SORBS2: variants seen among roughly 807,000 people sequenced by gnomAD.
The protein encoded by SORBS2 is sorbin and SH3 domain-containing protein 2.
SORBS2 carries 46 observed loss-of-function variants against 97.7 expected under a neutral mutation model. That is an observed-to-expected ratio of 0.47 (90% CI 0.37 to 0.60). The LOEUF (loss-of-function observed/expected upper bound fraction) is 0.60, where lower values mean the gene tolerates loss of function less well. SORBS2 is among the 20% of genes least tolerant of loss of function. The pLI is 0.00. For missense variants in SORBS2, 1,316 were observed against 1,282.3 expected, an observed-to-expected ratio of 1.03 and a Z score of -0.40; for synonymous variants, 476 against 473.4, an observed-to-expected ratio of 1.01 and a Z score of -0.07.
At chr4:185,718,152 G>A (rs1001812795) in intron 2 of SORBS2, among the ~76,000 whole-genome samples, 8 of 152,140 alleles carry the variant, frequency 5.3e-5, no homozygotes, top group Admixed American at 2.6e-4. Context: ...AATCGCTTGA[G>A]CCTGGGAGAC....
chr4:185,915,343 A>G (rs762508379), intron 1 of SORBS2, among the ~76,000 whole-genome samples: 2 of 152,238 alleles, frequency 1.3e-5, no homozygotes, highest in Non-Finnish European at 2.9e-5. Context: ...TAATGCCTTG[A>G]AAAGCATTTT....
At chr4:185,611,698 A>G (rs2096541607) in intron 12 of SORBS2, 82 bp downstream of exon 24, 4 of 1,085,182 alleles carry the variant, frequency 3.7e-6, no homozygotes, top group Admixed American at 1.9e-5. Flanking sequence ...ATGATATTCT[A>G]ATCTAATATC....
chr4:185,635,941 C>A (rs2096990820), intron 4 of SORBS2, among the ~76,000 whole-genome samples: 1 of 152,220 alleles, frequency 6.6e-6, no homozygotes, highest in South Asian at 2.1e-4. Flanking sequence ...TCACTGCAAT[C>A]TCTGCCACCA....
At chr4:185,829,159 A>G (rs1178560936) in intron 1 of SORBS2, among the ~76,000 whole-genome samples, 1 of 152,150 alleles carries the variant, frequency 6.6e-6, no homozygotes, top group East Asian at 1.9e-4. Context: ...TTTCTAATCC[A>G]TGTAAAACAG....
intron 1 of SORBS2, among the ~76,000 whole-genome samples, chr4:185,854,784 GAAGA>G (rs2099219804): frequency 1.7e-5 from 1 of 58,680 alleles, no homozygotes; most frequent in South Asian, 1.2e-3. Context: ...GAGAAATAGA[GAAGA>G]GAGAGAGAGA....
At chr4:185,893,730 A>G (rs973452346) in intron 1 of SORBS2, among the ~76,000 whole-genome samples, 4 of 152,160 alleles carry the variant, frequency 2.6e-5, no homozygotes. Context: ...AACAGGGGCT[A>G]GGGGTTCCCC....
At chr4:185,667,849 T>A (rs1001248223) in intron 4 of SORBS2, among the ~76,000 whole-genome samples, 1 of 151,488 alleles carries the variant, frequency 6.6e-6, no homozygotes, top group Non-Finnish European at 1.5e-5. Flanking sequence ...ATAATTGCAA[T>A]CTTATTGGAG....
At chr4:185,665,499 A>G (rs6845090) in intron 4 of SORBS2, among the ~76,000 whole-genome samples, 3,039 of 152,338 alleles carry the variant, frequency 0.02, 92 homozygotes, top group African/African-American at 0.065. Context: ...GGAAACCGTA[A>G]GTAACTATTT....
chr4:185,827,222 CCATCATCAT>C (rs1251463109), intron 1 of SORBS2, among the ~76,000 whole-genome samples: 21 of 53,910 alleles, frequency 3.9e-4, no homozygotes, highest in African/African-American at 1.1e-3. Flanking sequence ...ACCATCATCA[CCATCATCAT>C]CATCACCATC....
At chr4:185,617,373 C>T (rs770937757) in intron 9 of SORBS2, among the ~76,000 whole-genome samples, 1 of 152,036 alleles carries the variant, frequency 6.6e-6, no homozygotes, top group Non-Finnish European at 1.5e-5. Context: ...ATCTTAATTT[C>T]TAAACAGGAT....
intron 11 of SORBS2, among the ~76,000 whole-genome samples, chr4:185,613,040 C>A (rs542101934): frequency 6.6e-6 from 1 of 152,146 alleles, no homozygotes; most frequent in Non-Finnish European, 1.5e-5. Flanking sequence ...CTGCCATGAC[C>A]GAGCCAGTGC....
chr4:185,624,316 G>T lies in SORBS2; in HGVS notation c.813C>A (p.Ile271=), dbSNP rs778950365. 8 of 1,614,074 alleles carry T rather than the reference G, an allele frequency of 5.0e-6. No individual in the cohort carries two copies. In the East Asian group the frequency reaches 1.6e-4, roughly 31 times the overall value. ...AGACGGTTTCTTCCGTGCTGCTCCAGATTTCTGCGTTTTGCCGGGCCATTT... is the reference window on the plus strand; with the variant it reads ...AGACGGTTTCTTCCGTGCTGCTCCATATTTCTGCGTTTTGCCGGGCCATTT... The change falls in exon 7 of 15, where the codon ATC becomes ATA. Residue 271 remains isoleucine, a synonymous_variant. Coordinates refer to ENST00000418609, the Ensembl canonical transcript of SORBS2.
At chr4:185,945,823 G>A (rs35811278) in intron 1 of SORBS2, among the ~76,000 whole-genome samples, 41,208 of 152,026 alleles carry the variant, frequency 0.27, 6,094 homozygotes, top group Admixed American at 0.36. Flanking sequence ...GGAGGGCTTC[G>A]GGCCGGAGTA....
At chr4:185,759,246 G>A (rs535439726) in intron 2 of SORBS2, among the ~76,000 whole-genome samples, 23 of 152,320 alleles carry the variant, frequency 1.5e-4, no homozygotes, top group Admixed American at 5.9e-4. Context: ...TGGAGTAGGC[G>A]TTAAAAATGA....
chr4:185,766,227 C>G (rs975983747), intron 2 of SORBS2, among the ~76,000 whole-genome samples: 8 of 152,200 alleles, frequency 5.3e-5, no homozygotes, highest in African/African-American at 1.9e-4. Context: ...AGTCCCTTCA[C>G]TATGGGCCTA....
intron 4 of SORBS2, chr4:185,645,978 A>C (rs2097201029): frequency 6.6e-6 from 1 of 152,244 alleles, no homozygotes; most frequent in African/African-American, 2.4e-5. Context: ...TTTTGTTTGC[A>C]TATAATTAAA....
At chr4:185,824,687 T>A (rs1005653274) in intron 1 of SORBS2, among the ~76,000 whole-genome samples, 2 of 152,162 alleles carry the variant, frequency 1.3e-5, no homozygotes, top group Non-Finnish European at 2.9e-5. Flanking sequence ...GGATGCTTTT[T>A]TTTTTCTTTT....
At position 185,669,796 on chromosome 4, in the gene SORBS2, T is replaced by C. The variant is rs79476958; in HGVS notation, c.-45-7554A>G. The stretch of plus-strand genomic sequence containing the variant: ...TCTGGCGTTTTTAATGCAAGAAAAC[T>C]CATCAATAATATTTTCAAAATCTAC... On this transcript the variant is annotated intron_variant, in intron 4 of 20. Transcript: ENST00000284776. 7.4e-3 allele frequency among the ~76,000 whole-genome samples: 1,121 copies of C among 152,256 alleles called. 18 individuals carry two copies. The highest frequency in any genetic ancestry group is 0.026 in the African/African-American group (1,073 of 41,522).
intron 2 of SORBS2, among the ~76,000 whole-genome samples, chr4:185,696,073 A>T (rs772079645): frequency 2.0e-5 from 3 of 152,332 alleles, no homozygotes; most frequent in South Asian, 4.1e-4. Context: ...GCCAGAACAC[A>T]TTCAACATCA....
Sources: allele counts gnomAD v4.1 joint callset (sites outside exome capture counted in the v4.1 genomes callset), GRCh38; gene constraint gnomAD v4.1.1; transcripts MANE v1.5; gene names NCBI Gene and HGNC (gene_info 2026-07-23, HGNC 2026-07-21).